The following L3MBTL4 variants were observed in gnomAD, a reference collection of about 807,000 sequenced individuals.
The protein encoded by L3MBTL4 is lethal(3)malignant brain tumor-like protein 4.
Under a neutral mutation model 84.5 loss-of-function variants are expected in L3MBTL4, and 70 were observed. The ratio of observed to expected loss-of-function variants is 0.83; its 90% CI spans 0.68 to 1.01. The LOEUF (loss-of-function observed/expected upper bound fraction) is 1.01. L3MBTL4 is among the 50% of genes least tolerant of loss of function. The probability of loss-of-function intolerance (pLI) is 0.00; values close to 1 mark genes in which losing one functional copy is unlikely to be tolerated. For synonymous variants in L3MBTL4, 274 were observed against 259.8 expected, an observed-to-expected ratio of 1.05 and a Z score of -0.52; for missense variants, 715 against 754.8, an observed-to-expected ratio of 0.95 and a Z score of 0.62.
intron 17 of L3MBTL4, among the ~76,000 whole-genome samples, chr18:5,968,854 A>C (rs2052488425): frequency 6.6e-6 from 1 of 152,198 alleles, no homozygotes; most frequent in African/African-American, 2.4e-5. Context: ...TTTATAAATG[A>C]AGCGAAGGTG....
At chr18:6,245,162 G>A (rs2047607472) in intron 5 of L3MBTL4, among the ~76,000 whole-genome samples, 2 of 152,134 alleles carry the variant, frequency 1.3e-5, no homozygotes, top group South Asian at 2.1e-4. Context: ...GCCTCCCAAA[G>A]TGCTGGGATT....
At chr18:6,112,537 T>C (rs921572697) in intron 14 of L3MBTL4, among the ~76,000 whole-genome samples, 1 of 152,192 alleles carries the variant, frequency 6.6e-6, no homozygotes, top group African/African-American at 2.4e-5. Flanking sequence ...GTCTCAGCTT[T>C]GCTCTACATA....
chr18:6,214,118 C>T (rs2046227876), intron 11 of L3MBTL4, among the ~76,000 whole-genome samples: 1 of 152,208 alleles, frequency 6.6e-6, no homozygotes, highest in South Asian at 2.1e-4. Flanking sequence ...CTATGATGTA[C>T]TTTAAAGCCA....
At chr18:6,386,675 A>C (rs967269737) in intron 1 of L3MBTL4, among the ~76,000 whole-genome samples, 12 of 152,270 alleles carry the variant, frequency 7.9e-5, no homozygotes, top group Admixed American at 4.6e-4. Context: ...CCCAGTAAGG[A>C]GAAGTGTAGA....
chr18:6,408,562 T>G (rs983400964), intron 1 of L3MBTL4, among the ~76,000 whole-genome samples: 2 of 152,184 alleles, frequency 1.3e-5, no homozygotes, highest in Non-Finnish European at 2.9e-5. Flanking sequence ...TTAGAACATA[T>G]AAGATCCACA....
intron 16 of L3MBTL4, among the ~76,000 whole-genome samples, chr18:6,068,263 C>T (rs559179947): frequency 5.3e-5 from 8 of 152,144 alleles, no homozygotes; most frequent in African/African-American, 1.9e-4. Flanking sequence ...ATTTACTAAG[C>T]TGATGATTCA....
intron 16 of L3MBTL4, among the ~76,000 whole-genome samples, chr18:6,012,949 T>A (rs1242548611): frequency 1.3e-5 from 2 of 152,208 alleles, no homozygotes; most frequent in African/African-American, 4.8e-5. Flanking sequence ...TCCTTTCTGC[T>A]TCTCCCATTT....
chr18:6,118,281 C>T (rs542007507), intron 14 of L3MBTL4, among the ~76,000 whole-genome samples: 1 of 148,978 alleles, frequency 6.7e-6, no homozygotes, highest in Non-Finnish European at 1.5e-5. Context: ...CCCTCCTATC[C>T]CCCTTTGTTT....
At chr18:6,229,884 C>T (rs1179726105) in intron 10 of L3MBTL4, among the ~76,000 whole-genome samples, 6 of 152,194 alleles carry the variant, frequency 3.9e-5, no homozygotes, top group African/African-American at 7.2e-5. Flanking sequence ...TGTAGCTTTT[C>T]GGTAAGTTCT....
At chr18:6,090,593 TACACACACACACAC>T (rs71163260) in intron 15 of L3MBTL4, among the ~76,000 whole-genome samples, 13 of 86,778 alleles carry the variant, frequency 1.5e-4, no homozygotes, top group South Asian at 3.6e-4. Flanking sequence ...ATTATATATA[TACACACACACACAC>T]ACACACACAC....
At chr18:5,958,109 G>T (rs866734673) in intron 18 of L3MBTL4, among the ~76,000 whole-genome samples, 1 of 92,850 alleles carries the variant, frequency 1.1e-5, no homozygotes, top group African/African-American at 5.2e-5. Context: ...AGAAGAAGAA[G>T]AAGAAGAAGA....
intron 16 of L3MBTL4, among the ~76,000 whole-genome samples, chr18:6,068,747 T>A (rs2057480910): frequency 6.6e-6 from 1 of 152,186 alleles, no homozygotes; most frequent in Non-Finnish European, 1.5e-5. Context: ...CCCTTTATGA[T>A]CAGAGATGCT....
In L3MBTL4 at chr18:6,072,909, T is replaced by A. The variant is rs1315788648; in HGVS notation, c.1444+7972A>T. Among the ~76,000 whole-genome samples the A allele has an allele frequency of 1.4e-3, 114 of 82,396 alleles. 4 individuals carry two copies. Among genetic ancestry groups the A allele is most frequent in the East Asian group, 5.7e-3 (14 of 2,472 alleles). 54.1% of individuals were successfully genotyped at this position (82,396 alleles called of 152,430 possible). ...ATATATATATATATATATATATATA[T>A]ATATATATATATATATACACACATA... On this transcript the variant is annotated intron_variant, in intron 16 of 18. Coordinates refer to ENST00000317931, the MANE Select transcript of L3MBTL4 (RefSeq NM_001330559.2).
At chr18:6,054,488 T>C (rs1206356932) in intron 16 of L3MBTL4, among the ~76,000 whole-genome samples, 2 of 152,202 alleles carry the variant, frequency 1.3e-5, no homozygotes, top group African/African-American at 2.4e-5. Context: ...TGCCAGTGAA[T>C]GGAACCACTT....
intron 12 of L3MBTL4, among the ~76,000 whole-genome samples, chr18:6,173,185 T>A (rs773259181): frequency 1.3e-5 from 2 of 152,206 alleles, no homozygotes; most frequent in African/African-American, 2.4e-5. Context: ...TCTACTGAAC[T>A]TAGGTTCCTG....
chr18:6,182,645 T>A (rs1407813911), intron 12 of L3MBTL4, among the ~76,000 whole-genome samples: 1 of 152,234 alleles, frequency 6.6e-6, no homozygotes, highest in East Asian at 1.9e-4. Context: ...ATTTCCTAGG[T>A]TGTCTTCCAG....
intron 1 of L3MBTL4, among the ~76,000 whole-genome samples, chr18:6,386,452 C>T (rs2054823065): frequency 6.6e-6 from 1 of 152,212 alleles, no homozygotes; most frequent in Non-Finnish European, 1.5e-5. Flanking sequence ...ACATGTGACG[C>T]ACTGTGCTGG....
At chr18:6,023,350 AT>A (rs577443718) in intron 16 of L3MBTL4, among the ~76,000 whole-genome samples, 56 of 151,956 alleles carry the variant, frequency 3.7e-4, no homozygotes, top group Non-Finnish European at 6.6e-4. Context: ...AGAAAGTCCT[AT>A]TTTTTTTAAT....
chr18:6,351,533 C>T (rs972301976), intron 1 of L3MBTL4, among the ~76,000 whole-genome samples: 3 of 151,776 alleles, frequency 2.0e-5, no homozygotes, highest in East Asian at 3.9e-4. Flanking sequence ...TATATTATAC[C>T]GCAATTTTTA....
Sources: allele counts gnomAD v4.1 joint callset (sites outside exome capture counted in the v4.1 genomes callset), GRCh38; gene constraint gnomAD v4.1.1; transcripts MANE v1.5; gene names NCBI Gene and HGNC (gene_info 2026-07-23, HGNC 2026-07-21).